Variants in SYNE1 observed in about 807,000 individuals in gnomAD.
The protein encoded by SYNE1 is spectrin repeat containing nuclear envelope protein 1.
SYNE1 carries 616 observed loss-of-function variants against 1,111.0 expected under a neutral mutation model. The ratio of observed to expected loss-of-function variants is 0.55; its 90% confidence interval spans 0.52 to 0.59. The LOEUF (loss-of-function observed/expected upper bound fraction) is 0.59, where lower values mean the gene tolerates loss of function less well. Ranked by LOEUF, SYNE1 falls within the 20% of genes least tolerant of loss-of-function variation. The probability of loss-of-function intolerance (pLI) is 0.00; values close to 1 mark genes in which losing one functional copy is unlikely to be tolerated. For missense variants in SYNE1, 10,006 were observed against 10,417.0 expected, an observed-to-expected ratio of 0.96 and a Z score of 1.72; for synonymous variants, 3,855 against 3,825.8, an observed-to-expected ratio of 1.01 and a Z score of -0.28.
chr6:152,326,871 G>T (rs1563090526), intron 78 of SYNE1, among the ~76,000 whole-genome samples: 1 of 152,170 alleles, frequency 6.6e-6, no homozygotes, highest in East Asian at 1.9e-4. Context: ...GACAGAAATG[G>T]GATAGAAATT....
chr6:152,270,498 G>T (rs1356159867), intron 98 of SYNE1, among the ~76,000 whole-genome samples: 1 of 152,208 alleles, frequency 6.6e-6, no homozygotes, highest in Non-Finnish European at 1.5e-5. Context: ...CTAGGCAAGA[G>T]TTGATCCTTC....
rs1563150216 is a variant in SYNE1 at position 152,334,059 on chromosome 6, A to G, written c.12743T>C (p.Val4248Ala). Reference protein sequence around the residue: ...RTRDYHDCMNVVEVFLEKFTT... With the variant: ...RTRDYHDCMNAVEVFLEKFTT... ...AAATTTTTCTAGGAACACTTCAACA[A>G]CATTCATACAGTCATGGTAATCTCT... The change falls in exon 77 of 146, where the codon GTT becomes GCT. Residue 4248 changes from valine (V) to alanine (A), a missense_variant. Val to Ala is a moderately conservative substitution (Grantham distance 64). Transcript: ENST00000367255. The G allele has an allele frequency of 1.9e-6, 3 of 1,614,214 alleles. No homozygotes were observed. The highest frequency in any genetic ancestry group is 2.5e-6 in the Non-Finnish European group (3 of 1,180,048).
intron 6 of SYNE1, among the ~76,000 whole-genome samples, chr6:152,512,305 T>G: frequency 6.6e-6 from 1 of 152,154 alleles, no homozygotes; most frequent in South Asian, 2.1e-4. Flanking sequence ...CTGGTATAGA[T>G]TACAAACTTG....
intron 74 of SYNE1, among the ~76,000 whole-genome samples, chr6:152,343,436 G>A (rs991393705): frequency 1.3e-5 from 2 of 150,460 alleles, no homozygotes; most frequent in African/African-American, 4.9e-5. Context: ...TGGGATTACA[G>A]GCATGAGCCA....
intron 4 of SYNE1, among the ~76,000 whole-genome samples, chr6:152,528,684 C>A (rs1206530092): frequency 2.0e-5 from 3 of 152,144 alleles, no homozygotes; most frequent in East Asian, 3.9e-4. Flanking sequence ...GTGACTTGAG[C>A]TGGCTTGTGT....
At chr6:152,611,949 T>G (rs1321282101) in intron 3 of SYNE1, among the ~76,000 whole-genome samples, 1 of 151,588 alleles carries the variant, frequency 6.6e-6, no homozygotes, top group African/African-American at 2.4e-5. Flanking sequence ...TTGAAATCAA[T>G]GAGAACAAAG....
At chr6:152,422,313 G>A (rs6557219) in intron 39 of SYNE1, among the ~76,000 whole-genome samples, 41,648 of 152,008 alleles carry the variant, frequency 0.27, 7,070 homozygotes, top group African/African-American at 0.48. Flanking sequence ...TGCATCATAT[G>A]TAGAGGCCCA....
chr6:152,415,591 C>T (rs1375877392), intron 41 of SYNE1, among the ~76,000 whole-genome samples: 2 of 152,106 alleles, frequency 1.3e-5, no homozygotes, highest in African/African-American at 4.8e-5. Context: ...ACCAAAACTA[C>T]TAGGATCACT....
At chr6:152,298,028 G>A (rs1458563299) in intron 93 of SYNE1, among the ~76,000 whole-genome samples, 2 of 152,086 alleles carry the variant, frequency 1.3e-5, no homozygotes, top group Admixed American at 6.6e-5. Context: ...TTACAAATAC[G>A]TTTCTCATTG....
At chr6:152,423,256 C>T (rs1373625730) in intron 39 of SYNE1, among the ~76,000 whole-genome samples, 1 of 152,204 alleles carries the variant, frequency 6.6e-6, no homozygotes, top group Non-Finnish European at 1.5e-5. Flanking sequence ...CACAATCTTT[C>T]TGTAACCTCA....
At chr6:152,125,438 A>T in intron 145 of SYNE1, 1 of 1,438,666 alleles carries the variant, frequency 7.0e-7, no homozygotes, top group Non-Finnish European at 9.3e-7. Context: ...CAGTTACATG[A>T]CCATGGGCAA....
chr6:152,406,992 T>C (rs1170038216), intron 45 of SYNE1, 22 bp downstream of exon 45: 2 of 1,607,062 alleles, frequency 1.2e-6, no homozygotes, highest in Admixed American at 1.7e-5. Context: ...CCAGCTGCCA[T>C]ATGTCAACAC....
intron 21 of SYNE1, 108 bp downstream of exon 21, chr6:152,461,488 AG>A: frequency 1.0e-5 from 14 of 1,371,466 alleles, no homozygotes; most frequent in Non-Finnish European, 1.4e-5. Flanking sequence ...TAGAAACAAA[AG>A]CATCGTTAAC....
chr6:152,397,847 A>G (rs2097759574), intron 49 of SYNE1, among the ~76,000 whole-genome samples: 1 of 152,002 alleles, frequency 6.6e-6, no homozygotes, highest in Non-Finnish European at 1.5e-5. Flanking sequence ...CTAAAAATAC[A>G]AAAATTAGCT....
chr6:152,482,220 A>G (rs1434153964), intron 14 of SYNE1, among the ~76,000 whole-genome samples: 1 of 152,166 alleles, frequency 6.6e-6, no homozygotes, highest in Non-Finnish European at 1.5e-5. Context: ...TAGCTCCAAA[A>G]GTAAAGCCCC....
At position 152,504,014 on chromosome 6, in the gene SYNE1, G is replaced by A. The variant is rs971328462; in HGVS notation, c.778+1187C>T. Among the ~76,000 whole-genome samples, 6 of 151,974 alleles carry A rather than the reference G, an allele frequency of 3.9e-5. No individual in the cohort carries two copies. In the East Asian group the frequency reaches 9.6e-4, roughly 24 times the overall value. On this transcript the variant is annotated intron_variant, in intron 9 of 145. Coordinates refer to ENST00000367255, the MANE Select transcript of SYNE1 (RefSeq NM_182961.4). ...AATTAGAGGAATGTCTTATATCTAG[G>A]ATAGCCTTGTATTTAGGCAACCTCA...
At chr6:152,421,987 T>C (rs934059884) in intron 39 of SYNE1, among the ~76,000 whole-genome samples, 2 of 152,304 alleles carry the variant, frequency 1.3e-5, no homozygotes, top group Middle Eastern at 6.8e-3. Flanking sequence ...ATTACAGGTG[T>C]GAGCCACCAT....
At chr6:152,131,126 TA>T (rs2055491223) in intron 144 of SYNE1, among the ~76,000 whole-genome samples, 1 of 152,302 alleles carries the variant, frequency 6.6e-6, no homozygotes, top group Middle Eastern at 3.4e-3. Context: ...ACACTTAATA[TA>T]TTTTTTTTCA....
At chr6:152,135,364 AGGCACT>A in intron 141 of SYNE1, 132 bp from the exon 142 acceptor site, 2 of 974,656 alleles carry the variant, frequency 2.1e-6, no homozygotes, top group Non-Finnish European at 3.1e-6. Context: ...TTTCTGAGGA[AGGCACT>A]GGTGCTGTTG....
Sources: gnomAD v4.1 joint callset for allele counts (sites outside exome capture counted in the v4.1 genomes callset) on GRCh38, gnomAD v4.1.1 for gene constraint, MANE v1.5 for transcripts, NCBI Gene and HGNC (gene_info 2026-07-23, HGNC 2026-07-21) for gene names.